Variants in PTPRD observed in about 807,000 individuals in gnomAD.
PTPRD encodes receptor-type tyrosine-protein phosphatase delta.
PTPRD carries 34 observed loss-of-function variants against 214.5 expected under a neutral mutation model. The ratio of observed to expected loss-of-function variants is 0.16; its 90% CI spans 0.12 to 0.21. PTPRD has a LOEUF of 0.21. Among genes scored for constraint, PTPRD ranks in the 10% least tolerant of loss-of-function variants. The probability of loss-of-function intolerance (pLI) is 1.00; values close to 1 mark genes in which losing one functional copy is unlikely to be tolerated. For synonymous variants in PTPRD, 1,128 were observed against 845.7 expected, an observed-to-expected ratio of 1.33 and a Z score of -5.79; for missense variants, 2,545 against 2,398.7, an observed-to-expected ratio of 1.06 and a Z score of -1.27.
At chr9:10,218,745 A>G (rs1333976291) in intron 3 of PTPRD, among the ~76,000 whole-genome samples, 1 of 151,894 alleles carries the variant, frequency 6.6e-6, no homozygotes, top group Non-Finnish European at 1.5e-5. Context: ...ATATTTATAA[A>G]TAGGGAGCCT....
At chr9:8,360,383 A>G (rs1194261778) in intron 39 of PTPRD, among the ~76,000 whole-genome samples, 3 of 152,202 alleles carry the variant, frequency 2.0e-5, no homozygotes, top group Admixed American at 6.5e-5. Context: ...CTTAGTCCCA[A>G]ATTTTAAAAA....
intron 3 of PTPRD, among the ~76,000 whole-genome samples, chr9:10,329,496 TA>T (rs1297342826): frequency 6.6e-6 from 1 of 151,910 alleles, no homozygotes; most frequent in Non-Finnish European, 1.5e-5. Flanking sequence ...TGTTCATGAA[TA>T]TTTTTTCTAC....
At chr9:9,922,858 A>G (rs892590794) in intron 5 of PTPRD, among the ~76,000 whole-genome samples, 10 of 152,048 alleles carry the variant, frequency 6.6e-5, no homozygotes, top group African/African-American at 2.4e-4. Context: ...AGATATGACA[A>G]CTAATTGCAA....
chr9:8,814,885 A>G (rs1409383993), intron 11 of PTPRD, among the ~76,000 whole-genome samples: 2 of 152,238 alleles, frequency 1.3e-5, no homozygotes, highest in Admixed American at 6.5e-5. Flanking sequence ...TGTTTTATTT[A>G]TAATGTGCAT....
At chr9:10,111,705 G>C (rs2098693351) in intron 3 of PTPRD, among the ~76,000 whole-genome samples, 1 of 152,044 alleles carries the variant, frequency 6.6e-6, no homozygotes, top group African/African-American at 2.4e-5. Context: ...TTCTAAATTT[G>C]TTGTAATAAA....
chr9:10,107,148 T>C (rs1591359500), intron 3 of PTPRD, among the ~76,000 whole-genome samples: 1 of 151,898 alleles, frequency 6.6e-6, no homozygotes, highest in African/African-American at 2.4e-5. Flanking sequence ...ACATTAAGAC[T>C]AATGGGATAA....
chr9:10,237,357 T>A (rs1192588958), intron 3 of PTPRD, among the ~76,000 whole-genome samples: 1 of 151,956 alleles, frequency 6.6e-6, no homozygotes, highest in Non-Finnish European at 1.5e-5. Flanking sequence ...TGAATTAATA[T>A]CTTTATTCTT....
intron 3 of PTPRD, among the ~76,000 whole-genome samples, chr9:10,176,726 T>C (rs1032364447): frequency 6.6e-6 from 1 of 151,982 alleles, no homozygotes; most frequent in African/African-American, 2.4e-5. Flanking sequence ...CGCACAGTCA[T>C]CTCTATAAAA....
chr9:9,311,945 G>C (rs1201292052), intron 9 of PTPRD, among the ~76,000 whole-genome samples: 2 of 152,104 alleles, frequency 1.3e-5, no homozygotes, highest in Non-Finnish European at 2.9e-5. Flanking sequence ...TCAATAATAG[G>C]TTTTAAGATC....
intron 3 of PTPRD, among the ~76,000 whole-genome samples, chr9:10,156,726 A>G (rs1259351273): frequency 6.6e-6 from 1 of 152,126 alleles, no homozygotes; most frequent in Non-Finnish European, 1.5e-5. Context: ...TAATACTGTC[A>G]GTGGTGTTGT....
At chr9:10,562,119 T>C (rs2131560588) in intron 2 of PTPRD, among the ~76,000 whole-genome samples, 1 of 152,260 alleles carries the variant, frequency 6.6e-6, no homozygotes, top group Middle Eastern at 3.4e-3. Flanking sequence ...TCTATCTCAT[T>C]ATGAATCCTT....
intron 9 of PTPRD, among the ~76,000 whole-genome samples, chr9:9,333,082 A>C (rs999627568): frequency 6.6e-6 from 1 of 152,016 alleles, no homozygotes; most frequent in Non-Finnish European, 1.5e-5. Flanking sequence ...CGGGAGGGAC[A>C]TAAAGAGTAC....
intron 5 of PTPRD, among the ~76,000 whole-genome samples, chr9:9,925,243 G>A (rs2083857708): frequency 6.6e-6 from 1 of 152,056 alleles, no homozygotes; most frequent in Non-Finnish European, 1.5e-5. Flanking sequence ...CCTAAAATGT[G>A]AGAAAGTTCT....
chr9:10,477,790 C>A (rs930173390), intron 2 of PTPRD, among the ~76,000 whole-genome samples: 1 of 152,032 alleles, frequency 6.6e-6, no homozygotes, highest in African/African-American at 2.4e-5. Flanking sequence ...CCATGGAATA[C>A]TATGCAGCCA....
At chr9:10,207,132 A>G (rs1326149884) in intron 3 of PTPRD, among the ~76,000 whole-genome samples, 1 of 152,072 alleles carries the variant, frequency 6.6e-6, no homozygotes, top group Non-Finnish European at 1.5e-5. Context: ...CAGCATCCCA[A>G]ACAGTTCTTT....
chr9:8,979,071 C>A (rs1292402907), intron 11 of PTPRD, among the ~76,000 whole-genome samples: 1 of 152,072 alleles, frequency 6.6e-6, no homozygotes. Context: ...TAATTCATTT[C>A]TTGTATGTTT....
intron 12 of PTPRD, among the ~76,000 whole-genome samples, chr9:8,725,406 G>A (rs1008616253): frequency 2.0e-5 from 3 of 152,138 alleles, no homozygotes; most frequent in Non-Finnish European, 4.4e-5. Flanking sequence ...CGGGAAATGT[G>A]TCCAATAAAC....
At chr9:8,318,567 C>A (rs1007341690) in intron 45 of PTPRD, among the ~76,000 whole-genome samples, 2 of 152,028 alleles carry the variant, frequency 1.3e-5, no homozygotes, top group Admixed American at 1.3e-4. Context: ...GCTGGTGCGG[C>A]ACACCAGGCA....
intron 12 of PTPRD, among the ~76,000 whole-genome samples, chr9:8,637,129 A>T (rs951697640): frequency 3.9e-5 from 6 of 152,138 alleles, no homozygotes; most frequent in African/African-American, 1.4e-4. Context: ...TCACACATTA[A>T]TTTTTATTAC....
Sources: allele counts gnomAD v4.1 joint callset (sites outside exome capture counted in the v4.1 genomes callset), GRCh38; gene constraint gnomAD v4.1.1; transcripts MANE v1.5; gene names NCBI Gene and HGNC (gene_info 2026-07-23, HGNC 2026-07-21).